The following OR2L13 variants were observed in gnomAD, a reference collection of about 807,000 sequenced individuals.
OR2L13 encodes the protein olfactory receptor 2L13.
A neutral mutation model predicts 15.3 loss-of-function variants in OR2L13; 14 were observed. That is an observed-to-expected ratio of 0.91 (90% CI 0.60 to 1.43). OR2L13 has a LOEUF of 1.43. Ranked by LOEUF, OR2L13 falls within the 40% of genes most tolerant of loss-of-function variation. OR2L13 has a pLI of 0.00. For synonymous variants in OR2L13, 152 were observed against 142.9 expected (o/e 1.06, Z -0.45); for missense variants, 367 against 387.9 (o/e 0.95, Z 0.45).
the OR2L13 span, among the ~76,000 whole-genome samples, chr1:247,954,691 G>A: frequency 2.0e-5 from 3 of 151,598 alleles, no homozygotes; most frequent in African/African-American, 4.8e-5. Flanking sequence ...CTTATTTCAT[G>A]TGTTTAAAAA....
the OR2L13 span, among the ~76,000 whole-genome samples, chr1:247,942,794 G>C: frequency 1.5e-3 from 233 of 151,968 alleles, 2 homozygotes; most frequent in African/African-American, 5.4e-3. Flanking sequence ...CATTTATATT[G>C]TGCAATCATC....
chr1:248,014,312 G>A, the OR2L13 span, among the ~76,000 whole-genome samples: 1 of 152,070 alleles, frequency 6.6e-6, no homozygotes, highest in Admixed American at 6.6e-5. Context: ...TTACCAGTCT[G>A]TAGAGCAATG....
the OR2L13 span, among the ~76,000 whole-genome samples, chr1:248,057,637 C>A: frequency 6.6e-6 from 1 of 152,128 alleles, no homozygotes; most frequent in African/African-American, 2.4e-5. Context: ...ATATAGGATG[C>A]ATTTCCATTT....
chr1:247,969,045 C>T, the OR2L13 span, among the ~76,000 whole-genome samples: 2,546 of 152,198 alleles, frequency 0.017, 32 homozygotes, highest in Non-Finnish European at 0.02. Flanking sequence ...TTCTAACTGG[C>T]GTGAGATGGT....
the OR2L13 span, among the ~76,000 whole-genome samples, chr1:248,033,223 A>G: frequency 6.6e-6 from 1 of 152,122 alleles, no homozygotes; most frequent in Non-Finnish European, 1.5e-5. Flanking sequence ...TCTTACACTT[A>G]GGTCTTTGAT....
the OR2L13 span, among the ~76,000 whole-genome samples, chr1:247,956,186 T>C: frequency 6.6e-6 from 1 of 151,452 alleles, no homozygotes; most frequent in Non-Finnish European, 1.5e-5. Context: ...CCCAGCACCA[T>C]TTATTAAATA....
chr1:248,092,808 T>C (rs1324412667), upstream of OR2L13, among the ~76,000 whole-genome samples: 1 of 152,174 alleles, frequency 6.6e-6, no homozygotes, highest in Non-Finnish European at 1.5e-5. Flanking sequence ...ATAATATCCA[T>C]CACCGCTCCA....
the OR2L13 span, among the ~76,000 whole-genome samples, chr1:247,983,551 A>G: frequency 6.7e-6 from 1 of 148,918 alleles, no homozygotes; most frequent in Non-Finnish European, 1.5e-5. Context: ...GAAGTAACTC[A>G]TTTGGATTTA....
the OR2L13 span, among the ~76,000 whole-genome samples, chr1:247,937,708 G>A: frequency 6.6e-6 from 1 of 152,238 alleles, no homozygotes. Flanking sequence ...CTCAGCTGCC[G>A]CTGGGACCCA....
At chr1:247,971,752 C>A in the OR2L13 span, among the ~76,000 whole-genome samples, 1 of 152,148 alleles carries the variant, frequency 6.6e-6, no homozygotes, top group Non-Finnish European at 1.5e-5. Context: ...TGGAACTCAG[C>A]TCTGGACCAA....
the OR2L13 span, chr1:248,003,786 G>A: frequency 3.5e-5 from 56 of 1,613,602 alleles, no homozygotes; most frequent in Middle Eastern, 1.6e-4. Flanking sequence ...TCCTATGGCC[G>A]GGTTCTCCTT....
the OR2L13 span, chr1:247,949,394 T>C: frequency 6.2e-7 from 1 of 1,614,234 alleles, no homozygotes; most frequent in Non-Finnish European, 8.5e-7. Flanking sequence ...TCTTCTGTGA[T>C]GTCCCAGCAA....
chr1:248,011,429 A>G, the OR2L13 span, among the ~76,000 whole-genome samples: 5,657 of 152,018 alleles, frequency 0.037, 317 homozygotes, highest in African/African-American at 0.13. Context: ...TATGTGTTGT[A>G]GGGTTGCTCT....
the OR2L13 span, among the ~76,000 whole-genome samples, chr1:247,992,438 G>A: frequency 6.5e-3 from 996 of 152,182 alleles, 9 homozygotes; most frequent in African/African-American, 0.022. Context: ...ATATTTTTAC[G>A]TGGGAATATT....
At chr1:248,080,504 A>G in the OR2L13 span, among the ~76,000 whole-genome samples, 1 of 152,078 alleles carries the variant, frequency 6.6e-6, no homozygotes, top group Non-Finnish European at 1.5e-5. Context: ...TTCAACTTCC[A>G]CTTATGAATG....
the OR2L13 span, among the ~76,000 whole-genome samples, chr1:248,085,391 CAAATAAAATAATAAAATA>C: frequency 7.7e-5 from 1 of 13,068 alleles, no homozygotes; most frequent in African/African-American, 1.6e-4. Flanking sequence ...TCCCAGGACT[CAAATAAAATAATAAAATA>C]AAATAAAATA....
At chr1:248,018,167 A>AAC in the OR2L13 span, among the ~76,000 whole-genome samples, 5,577 of 150,948 alleles carry the variant, frequency 0.037, 391 homozygotes, top group African/African-American at 0.13. Flanking sequence ...AAATAAAAAA[A>AAC]AAAATTCGTT....
At chr1:247,966,034 C>G in the OR2L13 span, 5 of 1,613,942 alleles carry the variant, frequency 3.1e-6, no homozygotes, top group Non-Finnish European at 4.2e-6. Context: ...TTCCTATGCT[C>G]GTGTGCTTAT....
chr1:247,975,743 G>A, the OR2L13 span: 4 of 456,636 alleles, frequency 8.8e-6, no homozygotes, highest in Non-Finnish European at 1.5e-5. Flanking sequence ...AATATTCCAT[G>A]CCAGGAGCGT....
Sources: gnomAD v4.1 joint callset for allele counts (sites outside exome capture counted in the v4.1 genomes callset) on GRCh38, gnomAD v4.1.1 for gene constraint, MANE v1.5 for transcripts, NCBI Gene and HGNC (gene_info 2026-07-23, HGNC 2026-07-21) for gene names.